Variants in KHDRBS2 observed in about 807,000 individuals in gnomAD.
KHDRBS2 encodes the protein KH RNA binding domain containing, signal transduction associated 2.
KHDRBS2 carries 26 observed loss-of-function variants against 44.3 expected under a neutral mutation model. That is an observed-to-expected ratio of 0.59 (90% CI 0.43 to 0.81). The LOEUF (loss-of-function observed/expected upper bound fraction) is 0.81, where lower values mean the gene tolerates loss of function less well. Among genes scored for constraint, KHDRBS2 ranks in the 40% least tolerant of loss-of-function variants. The probability of loss-of-function intolerance (pLI) is 0.00; values close to 1 mark genes in which losing one functional copy is unlikely to be tolerated. For missense variants in KHDRBS2, 476 were observed against 433.1 expected (o/e 1.10, Z -0.88); for synonymous variants, 194 against 151.1 (o/e 1.28, Z -2.08).
chr6:62,053,723 T>G (rs2127316393), intron 2 of KHDRBS2, among the ~76,000 whole-genome samples: 1 of 152,060 alleles, frequency 6.6e-6, no homozygotes, highest in East Asian at 1.9e-4. Context: ...TGACACTTTA[T>G]TCAGCACCAA....
intron 2 of KHDRBS2, among the ~76,000 whole-genome samples, chr6:62,104,042 A>G (rs1358895134): frequency 6.6e-6 from 1 of 152,204 alleles, no homozygotes; most frequent in East Asian, 1.9e-4. Flanking sequence ...GAACACAGAA[A>G]TAATGATAAC....
At chr6:61,778,375 T>G (rs1782428976) in intron 6 of KHDRBS2, among the ~76,000 whole-genome samples, 1 of 152,018 alleles carries the variant, frequency 6.6e-6, no homozygotes, top group Admixed American at 6.6e-5. Flanking sequence ...GAAACAACTA[T>G]TTTTCATCCA....
chr6:61,793,101 A>T (rs929464604), intron 6 of KHDRBS2, among the ~76,000 whole-genome samples: 11 of 152,040 alleles, frequency 7.2e-5, no homozygotes, highest in African/African-American at 2.7e-4. Context: ...ATTCATGCCT[A>T]CAAGGGAACT....
intron 6 of KHDRBS2, among the ~76,000 whole-genome samples, chr6:61,747,694 G>A (rs528636945): frequency 6.6e-6 from 1 of 152,152 alleles, no homozygotes; most frequent in Admixed American, 6.5e-5. Flanking sequence ...TATCCTGAAA[G>A]GAAGGCATTT....
intron 6 of KHDRBS2, among the ~76,000 whole-genome samples, chr6:61,793,028 G>A (rs9445183): frequency 0.031 from 4,708 of 151,890 alleles, 264 homozygotes; most frequent in African/African-American, 0.11. Flanking sequence ...ACAAAGCTTC[G>A]ATGATTAATA....
At chr6:61,563,088 A>C in the KHDRBS2 span, among the ~76,000 whole-genome samples, 4 of 152,078 alleles carry the variant, frequency 2.6e-5, no homozygotes, top group African/African-American at 9.7e-5. Context: ...TATTGTTTTT[A>C]ATTATATTTC....
At chr6:61,888,812 C>T (rs576057401) in intron 6 of KHDRBS2, among the ~76,000 whole-genome samples, 2 of 151,988 alleles carry the variant, frequency 1.3e-5, no homozygotes, top group Non-Finnish European at 2.9e-5. Flanking sequence ...CCACCCACCC[C>T]GGCCTCCCAA....
At chr6:62,119,077 C>A (rs1267173207) in intron 2 of KHDRBS2, among the ~76,000 whole-genome samples, 1 of 152,086 alleles carries the variant, frequency 6.6e-6, no homozygotes, top group East Asian at 1.9e-4. Context: ...GAAGAGAATT[C>A]AAAGATAGAT....
At chr6:61,673,516 T>C in the KHDRBS2 span, among the ~76,000 whole-genome samples, 1 of 148,576 alleles carries the variant, frequency 6.7e-6, no homozygotes, top group African/African-American at 2.5e-5. Flanking sequence ...ATTGTATATC[T>C]AGAAAACCCC....
At chr6:61,754,430 T>C (rs1193765051) in intron 6 of KHDRBS2, among the ~76,000 whole-genome samples, 1 of 152,088 alleles carries the variant, frequency 6.6e-6, no homozygotes, top group Non-Finnish European at 1.5e-5. Flanking sequence ...TCCCCAAAGT[T>C]CTGTTGTCTC....
intron 7 of KHDRBS2, among the ~76,000 whole-genome samples, chr6:61,713,808 C>A (rs1187284485): frequency 1.3e-5 from 2 of 151,496 alleles, no homozygotes; most frequent in African/African-American, 4.8e-5. Flanking sequence ...ACACCTTCTT[C>A]AATAAAGGAT....
intron 3 of KHDRBS2, among the ~76,000 whole-genome samples, chr6:61,994,825 T>TG (rs1236180428): frequency 3.3e-5 from 5 of 152,100 alleles, no homozygotes; most frequent in African/African-American, 1.2e-4. Context: ...AGAGTGCGTG[T>TG]GGGGTCTTCG....
chr6:62,149,907 C>A (rs1445136761), intron 2 of KHDRBS2, among the ~76,000 whole-genome samples: 1 of 152,086 alleles, frequency 6.6e-6, no homozygotes, highest in African/African-American at 2.4e-5. Context: ...AGCAGTGGAT[C>A]GTAAGAAGCT....
At chr6:61,939,258 G>A (rs1811650348) in intron 4 of KHDRBS2, among the ~76,000 whole-genome samples, 1 of 150,756 alleles carries the variant, frequency 6.6e-6, no homozygotes, top group Non-Finnish European at 1.5e-5. Context: ...GTTATGTATA[G>A]ACACATTCAA....
At chr6:62,077,184 T>G (rs762607092) in intron 2 of KHDRBS2, among the ~76,000 whole-genome samples, 1 of 152,074 alleles carries the variant, frequency 6.6e-6, no homozygotes, top group Non-Finnish European at 1.5e-5. Context: ...CTTAATTTAC[T>G]GAAGAGCAAG....
chr6:61,570,800 C>G, the KHDRBS2 span, among the ~76,000 whole-genome samples: 1 of 152,090 alleles, frequency 6.6e-6, no homozygotes, highest in Non-Finnish European at 1.5e-5. Context: ...TCCGCCAAGA[C>G]TTTTGTATCC....
At chr6:62,245,697 T>C (rs1035354697) in intron 1 of KHDRBS2, among the ~76,000 whole-genome samples, 8 of 152,106 alleles carry the variant, frequency 5.3e-5, no homozygotes, top group Admixed American at 1.3e-4. Context: ...TATGAACTTA[T>C]GTGGCAAATA....
chr6:61,600,380 A>C, the KHDRBS2 span, among the ~76,000 whole-genome samples: 1 of 152,142 alleles, frequency 6.6e-6, no homozygotes, highest in East Asian at 1.9e-4. Flanking sequence ...ACCATGTGAA[A>C]TTCCTTCTCC....
intron 6 of KHDRBS2, among the ~76,000 whole-genome samples, chr6:61,883,021 T>C (rs892390159): frequency 1.3e-5 from 2 of 152,022 alleles, no homozygotes; most frequent in African/African-American, 4.8e-5. Context: ...AGTGGGAGTA[T>C]AATTGTCAAA....
Sources: gnomAD v4.1 joint callset for allele counts (sites outside exome capture counted in the v4.1 genomes callset) on GRCh38, gnomAD v4.1.1 for gene constraint, MANE v1.5 for transcripts, NCBI Gene and HGNC (gene_info 2026-07-23, HGNC 2026-07-21) for gene names.